The following CUX1 variants were observed in gnomAD, a reference collection of about 807,000 sequenced individuals.
CUX1 encodes cut like homeobox 1.
Under a neutral mutation model 158.8 loss-of-function variants are expected in CUX1, and 31 were observed. The ratio of observed to expected loss-of-function variants is 0.20; its 90% confidence interval spans 0.15 to 0.26. The LOEUF is 0.26. CUX1 is among the 10% of genes least tolerant of loss of function. CUX1 has a pLI of 1.00. For missense variants in CUX1, 1,589 were observed against 2,014.6 expected (o/e 0.79, Z 4.04); for synonymous variants, 879 against 862.1 (o/e 1.02, Z -0.34).
At chr7:102,069,766 T>C (rs776917387) in intron 3 of CUX1, among the ~76,000 whole-genome samples, 1 of 152,148 alleles carries the variant, frequency 6.6e-6, no homozygotes, top group Non-Finnish European at 1.5e-5. Context: ...GAGAATTTTA[T>C]GAAATTCTTT....
chr7:101,995,407 T>C (rs571351239), intron 2 of CUX1, among the ~76,000 whole-genome samples: 2 of 152,332 alleles, frequency 1.3e-5, no homozygotes, highest in South Asian at 4.1e-4. Flanking sequence ...TATCCCTCCT[T>C]CTTATAAAAC....
intron 2 of CUX1, among the ~76,000 whole-genome samples, chr7:101,968,499 C>T (rs1236188027): frequency 6.6e-6 from 1 of 152,104 alleles, no homozygotes; most frequent in African/African-American, 2.4e-5. Context: ...CTTGGCTCAC[C>T]GCAGCCTCCG....
chr7:102,106,078 T>C lies in CUX1; in HGVS notation c.530+1619T>C, dbSNP rs1386622231. Among the ~76,000 whole-genome samples the C allele has an allele frequency of 1.5e-4, 20 of 135,150 alleles. No homozygotes were observed. The South Asian group carries it at 3.1e-3, about 21-fold the overall frequency. The allele number at this position is 135,150 out of a possible 152,430, so 88.7% of individuals were successfully genotyped here. On this transcript the variant is annotated intron_variant, in intron 6 of 23. Coordinates refer to ENST00000292535, the MANE Select transcript of CUX1 (RefSeq NM_181552.4). The stretch of plus-strand genomic sequence containing the variant: ...GAATACTTGGTGAACTTTTCTTTTT[T>C]CTTTTTTTTTTTTTTTTTTTTTTTT...
intron 8 of CUX1, among the ~76,000 whole-genome samples, chr7:102,119,641 A>G (rs948187343): frequency 5.9e-5 from 9 of 152,340 alleles, no homozygotes; most frequent in African/African-American, 2.2e-4. Context: ...GTTGTTGTGT[A>G]AGAGGATTGC....
chr7:102,116,341 G>C (rs782000162), intron 8 of CUX1, among the ~76,000 whole-genome samples: 47 of 152,094 alleles, frequency 3.1e-4, no homozygotes, highest in Admixed American at 1.3e-3. Flanking sequence ...AATGGATTCT[G>C]ATCATGAGTA....
intron 3 of CUX1, among the ~76,000 whole-genome samples, chr7:102,032,515 A>T (rs1223461114): frequency 6.6e-6 from 1 of 151,992 alleles, no homozygotes; most frequent in Non-Finnish European, 1.5e-5. Context: ...CTAAACATAC[A>T]AAAATTAGGC....
In CUX1 at chr7:102,251,785, A is replaced by G. The variant is rs189966217; in HGVS notation, c.*2743A>G. The stretch of plus-strand genomic sequence containing the variant: ...TAAATATCGTCTAATTTTCATAAGA[A>G]TGAAAAGAAGTTAACAGGAAATAGT... On this transcript the variant is annotated 3_prime_UTR_variant, in exon 24 of 24. Transcript: ENST00000292535. The G allele has an allele frequency of 3.7e-4, 362 of 985,402 alleles. 2 individuals are homozygous for G. The African/African-American group carries it at 5.9e-3, about 16-fold the overall frequency. 61.0% of individuals were successfully genotyped at this position (985,402 alleles called of 1,614,324 possible). A position where few individuals can be genotyped will look rare whatever the true frequency, so the allele number is the denominator to read the frequency against.
intron 2 of CUX1, among the ~76,000 whole-genome samples, chr7:101,934,223 ATC>A (rs1269710400): frequency 1.3e-5 from 2 of 152,206 alleles, no homozygotes; most frequent in African/African-American, 4.8e-5. Flanking sequence ...AAATTTGAAA[ATC>A]TCTCTCTGAC....
intron 20 of CUX1, among the ~76,000 whole-genome samples, chr7:102,221,137 G>T (rs1274677809): frequency 6.6e-6 from 1 of 152,078 alleles, no homozygotes; most frequent in Non-Finnish European, 1.5e-5. Flanking sequence ...GAATTTCCTG[G>T]CTTGGCATGG....
Position 101,921,269 on chromosome 7 carries a change from GTGTA to G in CUX1, c.141+5045_141+5048del, listed in dbSNP as rs1403890309. On this transcript the variant is annotated intron_variant, in intron 2 of 23. Coordinates refer to ENST00000292535, the MANE Select transcript of CUX1 (RefSeq NM_181552.4). ...AGGGTTGCTGTGTGCACATATGTGT[GTGTA>G]CGTACCCATGTGCCTGTACGAGAAG... Among the ~76,000 whole-genome samples the G allele has an allele frequency of 2.6e-5, 4 of 152,074 alleles. No individual in the cohort carries two copies. In the East Asian group the frequency reaches 5.8e-4, roughly 22 times the overall value.
In CUX1 at chr7:102,104,268, C is replaced by A. The variant is rs180871541; in HGVS notation, c.407-68C>A. On this transcript the variant is annotated intron_variant, in intron 5 of 23. Coordinates refer to ENST00000292535, the MANE Select transcript of CUX1 (RefSeq NM_181552.4). ...ACCGATCCTACCAGGTTATGAGAGC[C>A]TTGTACCTACAGCCATATGGAATTG... is the stretch of plus-strand genomic sequence containing the variant. 8.1e-6 allele frequency: 12 copies of A among 1,481,812 alleles called. 1 individual carries two copies. In the Admixed American group the frequency reaches 2.2e-4, roughly 27 times the overall value. 91.8% of individuals were successfully genotyped at this position (1,481,812 alleles called of 1,614,324 possible). A position where few individuals can be genotyped will look rare whatever the true frequency, so the allele number is the denominator to read the frequency against.
intron 11 of CUX1, among the ~76,000 whole-genome samples, chr7:102,187,785 A>G (rs1421247035): frequency 1.3e-5 from 2 of 151,866 alleles, no homozygotes; most frequent in Non-Finnish European, 2.9e-5. Flanking sequence ...CTGGGATTAC[A>G]GGCGTCAGCC....
At chr7:102,119,485 G>A (rs1831806095) in intron 8 of CUX1, among the ~76,000 whole-genome samples, 1 of 152,234 alleles carries the variant, frequency 6.6e-6, no homozygotes, top group Non-Finnish European at 1.5e-5. Context: ...AGGGCCCATT[G>A]ATGAATACAG....
chr7:101,891,203 T>C (rs1173756314), intron 1 of CUX1, among the ~76,000 whole-genome samples: 2 of 152,118 alleles, frequency 1.3e-5, no homozygotes, highest in East Asian at 3.9e-4. Flanking sequence ...GGATCTGTTT[T>C]TTTATTTTGT....
chr7:101,997,861 A>T (rs2129266290), intron 2 of CUX1, among the ~76,000 whole-genome samples: 1 of 152,088 alleles, frequency 6.6e-6, no homozygotes, highest in East Asian at 1.9e-4. Context: ...TCACTGTTGG[A>T]TAAGAGGTTG....
chr7:101,855,935 G>A (rs924228932), intron 1 of CUX1, among the ~76,000 whole-genome samples: 9 of 149,222 alleles, frequency 6.0e-5, no homozygotes, highest in African/African-American at 1.2e-4. Context: ...ATCCCAGCAC[G>A]TTGGGAGGCT....
At chr7:101,883,399 A>C (rs941489922) in intron 1 of CUX1, among the ~76,000 whole-genome samples, 1 of 152,124 alleles carries the variant, frequency 6.6e-6, no homozygotes, top group Non-Finnish European at 1.5e-5. Context: ...CATCATATGT[A>C]CACATAGACA....
At chr7:102,280,101 T>A in exon 19 of CUX1, 1 of 1,609,814 alleles carries the variant, frequency 6.2e-7, no homozygotes, top group South Asian at 1.1e-5. Context: ...CTGGACCCCT[T>A]CTCCTCCTTC....
intron 9 of CUX1, among the ~76,000 whole-genome samples, chr7:102,166,813 G>A (rs946372183): frequency 5.2e-4 from 79 of 152,192 alleles, no homozygotes; most frequent in Non-Finnish European, 9.7e-4. Context: ...ACGCCCTCAG[G>A]ACAGAAATCC....
Sources: allele counts gnomAD v4.1 joint callset (sites outside exome capture counted in the v4.1 genomes callset), GRCh38; gene constraint gnomAD v4.1.1; transcripts MANE v1.5; gene names NCBI Gene and HGNC (gene_info 2026-07-23, HGNC 2026-07-21).